PTPRD: variants seen among roughly 807,000 people sequenced by gnomAD.
PTPRD encodes protein tyrosine phosphatase receptor type D.
Under a neutral mutation model 214.5 loss-of-function variants are expected in PTPRD, and 34 were observed. The observed-to-expected ratio is 0.16, with a 90% CI of 0.12 to 0.21. The LOEUF is 0.21. Ranked by LOEUF, PTPRD falls within the 10% of genes least tolerant of loss-of-function variation. PTPRD has a pLI of 1.00. For missense variants in PTPRD, 2,545 were observed against 2,398.7 expected (o/e 1.06, Z -1.27); for synonymous variants, 1,128 against 845.7 (o/e 1.33, Z -5.79).
chr9:9,790,433 C>T (rs1449181499), intron 5 of PTPRD, among the ~76,000 whole-genome samples: 1 of 152,152 alleles, frequency 6.6e-6, no homozygotes, highest in Non-Finnish European at 1.5e-5. Flanking sequence ...TAAAACCTAA[C>T]TAAGGCTTTG....
intron 2 of PTPRD, among the ~76,000 whole-genome samples, chr9:10,458,256 G>C (rs755089385): frequency 5.9e-5 from 9 of 151,954 alleles, no homozygotes; most frequent in Non-Finnish European, 1.2e-4. Context: ...GAAAACTATA[G>C]GCCAATATCT....
intron 4 of PTPRD, among the ~76,000 whole-genome samples, chr9:10,005,449 G>T (rs2096453836): frequency 1.3e-5 from 2 of 152,042 alleles, no homozygotes; most frequent in Non-Finnish European, 2.9e-5. Flanking sequence ...CAGGAAGCCT[G>T]GACAAGTAGC....
chr9:9,009,400 A>G (rs1199822741), intron 11 of PTPRD, among the ~76,000 whole-genome samples: 1 of 149,458 alleles, frequency 6.7e-6, no homozygotes. Flanking sequence ...AAATTTCAGC[A>G]GTTCTTTCTA....
intron 2 of PTPRD, among the ~76,000 whole-genome samples, chr9:10,487,622 T>C (rs537561272): frequency 8.6e-5 from 13 of 151,994 alleles, no homozygotes; most frequent in Admixed American, 2.0e-4. Flanking sequence ...AAATACGGCA[T>C]GTTCTCACTC....
intron 9 of PTPRD, among the ~76,000 whole-genome samples, chr9:9,238,249 C>T (rs892303449): frequency 2.6e-5 from 4 of 152,004 alleles, no homozygotes; most frequent in African/African-American, 9.7e-5. Context: ...TTTTGCATTG[C>T]CTAATCTCTT....
chr9:8,502,848 G>GTATATATATATATA (rs556444172), intron 23 of PTPRD, among the ~76,000 whole-genome samples: 21 of 147,152 alleles, frequency 1.4e-4, no homozygotes, highest in African/African-American at 3.8e-4. Context: ...ATGTGTGTGT[G>GTATATATATATATA]TATATATATA....
intron 11 of PTPRD, among the ~76,000 whole-genome samples, chr9:8,919,741 A>ACATGTATACATGCATGCATGCATC (rs1382994664): frequency 3.0e-3 from 464 of 152,140 alleles, no homozygotes; most frequent in Middle Eastern, 0.014. Context: ...GCACACACAT[A>ACATGTATACATGCATGCATGCATC]CATGTATACA....
At chr9:9,185,422 C>T (rs551768838) in intron 9 of PTPRD, among the ~76,000 whole-genome samples, 19 of 152,156 alleles carry the variant, frequency 1.2e-4, no homozygotes, top group South Asian at 1.2e-3. Flanking sequence ...GGGCCACTTC[C>T]TAAGGGTCTC....
chr9:9,741,462 ATT>A (rs2098401043), intron 6 of PTPRD, among the ~76,000 whole-genome samples: 4 of 95,846 alleles, frequency 4.2e-5, no homozygotes, highest in Non-Finnish European at 7.5e-5. Flanking sequence ...TTTTTTTTAA[ATT>A]ATGATTATAC....
intron 9 of PTPRD, among the ~76,000 whole-genome samples, chr9:9,258,819 T>C (rs1452835420): frequency 2.0e-5 from 3 of 151,872 alleles, no homozygotes; most frequent in Non-Finnish European, 4.4e-5. Context: ...GGTAAGCATA[T>C]TTGAACTTCA....
At chr9:8,924,820 A>G (rs1368682) in intron 11 of PTPRD, among the ~76,000 whole-genome samples, 104,782 of 152,010 alleles carry the variant, frequency 0.69, 36,380 homozygotes, top group East Asian at 0.86. Context: ...TTCTTGGAAT[A>G]TTTCTCTGAT....
intron 8 of PTPRD, among the ~76,000 whole-genome samples, chr9:9,443,037 A>G (rs990768280): frequency 9.9e-5 from 15 of 152,184 alleles, no homozygotes; most frequent in African/African-American, 3.6e-4. Flanking sequence ...GGCTTTAAAC[A>G]TAAATCCCCA....
intron 30 of PTPRD, among the ~76,000 whole-genome samples, chr9:8,483,210 C>T (rs1490595530): frequency 3.3e-5 from 5 of 152,200 alleles, no homozygotes; most frequent in Admixed American, 1.3e-4. Context: ...GGCCTCTATG[C>T]TGTGCTACAT....
chr9:9,330,383 T>A (rs1443727829), intron 9 of PTPRD, among the ~76,000 whole-genome samples: 1 of 152,190 alleles, frequency 6.6e-6, no homozygotes, highest in South Asian at 2.1e-4. Flanking sequence ...GCAGACTTTT[T>A]AAAATAAGGT....
At position 9,846,558 on chromosome 9, in the gene PTPRD, T is replaced by C. The variant is rs1296074506; in HGVS notation, c.-367-79707A>G. On this transcript the variant is annotated intron_variant, in intron 5 of 45. Coordinates refer to ENST00000381196, the MANE Select transcript of PTPRD (RefSeq NM_002839.4). ...AAATTCTTTCAACATATAGCAATCATGGGTATCAAAACATGGTGTACATAA... is the reference window on the plus strand; with the variant it reads ...AAATTCTTTCAACATATAGCAATCACGGGTATCAAAACATGGTGTACATAA... Among the ~76,000 whole-genome samples, 25 of 152,162 alleles carry C rather than the reference T, an allele frequency of 1.6e-4. 1 individual carries two copies.
intron 9 of PTPRD, among the ~76,000 whole-genome samples, chr9:9,352,515 C>T (rs1398983692): frequency 6.6e-6 from 1 of 151,726 alleles, no homozygotes; most frequent in East Asian, 1.9e-4. Flanking sequence ...ATTTTGCATT[C>T]TTTGGCTTCT....
chr9:9,193,762 G>C (rs886735208), intron 9 of PTPRD, among the ~76,000 whole-genome samples: 2 of 152,108 alleles, frequency 1.3e-5, no homozygotes, highest in South Asian at 2.1e-4. Context: ...CCCTGGGTGA[G>C]TCTGTGAGCG....
intron 8 of PTPRD, among the ~76,000 whole-genome samples, chr9:9,410,689 G>GCAAGAACC (rs2075111426): frequency 6.6e-6 from 1 of 152,160 alleles, no homozygotes; most frequent in Non-Finnish European, 1.5e-5. Context: ...AAGCAACCAT[G>GCAAGAACC]ATGCTGGTTC....
At chr9:8,703,742 T>C (rs924381996) in intron 12 of PTPRD, among the ~76,000 whole-genome samples, 5 of 152,228 alleles carry the variant, frequency 3.3e-5, no homozygotes, top group Non-Finnish European at 7.3e-5. Context: ...TCACCATTTA[T>C]ATGCTAGCGA....
Sources: gnomAD v4.1 joint callset for allele counts (sites outside exome capture counted in the v4.1 genomes callset) on GRCh38, gnomAD v4.1.1 for gene constraint, MANE v1.5 for transcripts, NCBI Gene and HGNC (gene_info 2026-07-23, HGNC 2026-07-21) for gene names.